The following ETV1 variants were observed in gnomAD, a reference collection of about 807,000 sequenced individuals.
ETV1 encodes the protein ETS variant transcription factor 1.
ETV1 carries 27 observed loss-of-function variants against 62.3 expected under a neutral mutation model. That is an observed-to-expected ratio of 0.43 (90% confidence interval 0.32 to 0.60). The LOEUF is 0.60. Ranked by LOEUF, ETV1 falls within the 20% of genes least tolerant of loss-of-function variation. The pLI, the probability that ETV1 is intolerant of heterozygous loss-of-function variation, is 0.06. For missense variants in ETV1, 605 were observed against 605.8 expected (o/e 1.00, Z 0.01); for synonymous variants, 222 against 199.6 (o/e 1.11, Z -0.94).
At chr7:13,931,392 T>A in intron 9 of ETV1, 110 bp downstream of exon 9, 2 of 1,166,552 alleles carry the variant, frequency 1.7e-6, no homozygotes, top group East Asian at 2.4e-5. Flanking sequence ...ATCTGAAAGA[T>A]CTTATTAAAA....
intron 6 of ETV1, among the ~76,000 whole-genome samples, chr7:13,949,890 T>G (rs1788599535): frequency 6.6e-6 from 1 of 152,132 alleles, no homozygotes; most frequent in Non-Finnish European, 1.5e-5. Flanking sequence ...TGATATGTAT[T>G]TTTTTCTTAA....
chr7:13,979,288 C>A (rs1032748579), intron 5 of ETV1, among the ~76,000 whole-genome samples: 1 of 152,048 alleles, frequency 6.6e-6, no homozygotes, highest in Admixed American at 6.6e-5. Context: ...TTCCAGTCCT[C>A]TACCCACCAA....
rs758005694 is a variant in ETV1, at chr7:13,931,607, C to T, written c.697G>A (p.Asp233Asn). ...ATGGTGTTGTGTTCATACACTGGGT[C>T]GTGGTACTCCTGCTTAAAGCCTTGT... ...PPQGFKQEYH[D>N]PVYEHNTMVG... Residue 233 changes from aspartate (D) to asparagine (N), a missense_variant, in exon 9 of 14, where the codon GAC (aspartate) becomes AAC (asparagine). Coordinates refer to ENST00000430479, the MANE Select transcript of ETV1 (RefSeq NM_004956.5). 8 of 1,613,896 alleles carry T rather than the reference C, an allele frequency of 5.0e-6. No homozygotes were observed. Among genetic ancestry groups the T allele is most frequent in the South Asian group, 2.2e-5 (2 of 91,076 alleles).
chr7:13,925,868 T>C (rs1785366022), intron 9 of ETV1, among the ~76,000 whole-genome samples: 1 of 152,130 alleles, frequency 6.6e-6, no homozygotes, highest in South Asian at 2.1e-4. Flanking sequence ...ACTGATTTTT[T>C]TTTTTAAATA....
At chr7:13,958,927 C>T (rs1161290722) in intron 6 of ETV1, 1 of 151,976 alleles carries the variant, frequency 6.6e-6, no homozygotes, top group Non-Finnish European at 1.5e-5. Context: ...TGAATTATCT[C>T]CAGGTTCCTG....
At chr7:13,924,046 T>A (rs1785144934) in intron 9 of ETV1, among the ~76,000 whole-genome samples, 1 of 151,096 alleles carries the variant, frequency 6.6e-6, no homozygotes, top group African/African-American at 2.4e-5. Flanking sequence ...AAAAAAAAAA[T>A]TAAAAAAATA....
Position 13,891,611 on chromosome 7 carries a change from A to G in ETV1, c.*4255T>C, listed in dbSNP as rs112655140. ...GTATGTCAAAGTGAGTCTCATGTATATAAAAAAAGAAGTCCTAAAAGTACT... is the reference window on the plus strand; with the variant it reads ...GTATGTCAAAGTGAGTCTCATGTATGTAAAAAAAGAAGTCCTAAAAGTACT... On this transcript the variant is annotated 3_prime_UTR_variant, in exon 14 of 14. Transcript: ENST00000430479. The G allele has an allele frequency of 5.4e-3, 1,261 of 231,902 alleles. 17 individuals are homozygous for G. Among genetic ancestry groups the G allele is most frequent in the African/African-American group, 0.026 (1,173 of 45,408 alleles). 14.4% of individuals were successfully genotyped at this position (231,902 alleles called of 1,614,324 possible).
At chr7:13,986,254 G>A (rs1253693207) in intron 5 of ETV1, 18 of 1,534,186 alleles carry the variant, frequency 1.2e-5, no homozygotes, top group South Asian at 6.2e-5. Context: ...AATGATATGC[G>A]CTGCTCTAAA....
chr7:13,987,061 G>A (rs541556304), intron 4 of ETV1: 9 of 185,162 alleles, frequency 4.9e-5, no homozygotes, highest in Non-Finnish European at 7.6e-5. Context: ...AGTAGTAGGG[G>A]GAAGATTAGA....
At chr7:13,969,656 T>C (rs1780674589) in intron 6 of ETV1, among the ~76,000 whole-genome samples, 1 of 152,190 alleles carries the variant, frequency 6.6e-6, no homozygotes, top group African/African-American at 2.4e-5. Context: ...AAGCTGCATT[T>C]GCACAAGCTT....
At chr7:13,896,766 AAG>A (rs1417544479) in intron 13 of ETV1, among the ~76,000 whole-genome samples, 3 of 149,016 alleles carry the variant, frequency 2.0e-5, no homozygotes, top group African/African-American at 7.7e-5. Context: ...GAAAGAAAGA[AAG>A]AAAGAAAGAA....
chr7:13,945,916 T>A (rs1451612991), intron 6 of ETV1, among the ~76,000 whole-genome samples: 2 of 152,228 alleles, frequency 1.3e-5, no homozygotes, highest in Non-Finnish European at 2.9e-5. Context: ...GGAGTCATGA[T>A]CAACACTAAT....
At chr7:13,960,252 T>G (rs1325232197) in intron 6 of ETV1, among the ~76,000 whole-genome samples, 2 of 152,156 alleles carry the variant, frequency 1.3e-5, no homozygotes, top group African/African-American at 4.8e-5. Flanking sequence ...TCAAATGCAA[T>G]CATCTTAAAT....
intron 6 of ETV1, among the ~76,000 whole-genome samples, chr7:13,953,953 T>A (rs1789120387): frequency 6.6e-6 from 1 of 152,212 alleles, no homozygotes; most frequent in African/African-American, 2.4e-5. Flanking sequence ...ATTTTCCTTT[T>A]TTATTAAATC....
chr7:13,918,440 T>C (rs1029694244), intron 9 of ETV1, among the ~76,000 whole-genome samples: 1 of 152,192 alleles, frequency 6.6e-6, no homozygotes, highest in Non-Finnish European at 1.5e-5. Context: ...AGTATGTTTA[T>C]TGCGGCATTA....
chr7:13,937,694 G>C (rs1295293988), intron 7 of ETV1, among the ~76,000 whole-genome samples: 1 of 152,144 alleles, frequency 6.6e-6, no homozygotes, highest in African/African-American at 2.4e-5. Flanking sequence ...AGGAGAAAAT[G>C]CAAAAACAAA....
chr7:13,960,601 A>G (rs572541244), intron 6 of ETV1, among the ~76,000 whole-genome samples: 2 of 152,200 alleles, frequency 1.3e-5, no homozygotes, highest in Admixed American at 6.5e-5. Context: ...AAATTTATAA[A>G]TTTATAAAAT....
intron 6 of ETV1, chr7:13,975,221 T>A (rs142034175): frequency 1.3e-5 from 2 of 152,278 alleles, no homozygotes; most frequent in African/African-American, 4.8e-5. Context: ...GTCATTTCCA[T>A]CACAGAAAGT....
intron 8 of ETV1, among the ~76,000 whole-genome samples, chr7:13,933,820 C>A (rs528573926): frequency 6.6e-6 from 1 of 152,130 alleles, no homozygotes; most frequent in Non-Finnish European, 1.5e-5. Context: ...CTTGGAGTTC[C>A]GGGCCGGCTG....
Sources: gnomAD v4.1 joint callset for allele counts (sites outside exome capture counted in the v4.1 genomes callset) on GRCh38, gnomAD v4.1.1 for gene constraint, MANE v1.5 for transcripts, NCBI Gene and HGNC (gene_info 2026-07-23, HGNC 2026-07-21) for gene names.